Variants in COMMD1 observed in about 807,000 individuals in gnomAD.
COMMD1 encodes COMM domain-containing protein 1.
A neutral mutation model predicts 17.2 loss-of-function variants in COMMD1; 10 were observed. The observed-to-expected ratio is 0.58, with a 90% CI of 0.36 to 0.99. The LOEUF is 0.99. Among genes scored for constraint, COMMD1 ranks in the 50% least tolerant of loss-of-function variants. The pLI is 0.01. For missense variants in COMMD1, 270 were observed against 231.8 expected (o/e 1.17, Z -1.07); for synonymous variants, 97 against 91.6 (o/e 1.06, Z -0.34).
At chr2:62,067,865 T>G (rs577371606) in intron 2 of COMMD1, among the ~76,000 whole-genome samples, 55 of 152,328 alleles carry the variant, frequency 3.6e-4, no homozygotes, top group African/African-American at 1.2e-3. Flanking sequence ...CTTAAAATAC[T>G]CAGTATGCCA....
chr2:61,949,051 T>C (rs1357651407), intron 1 of COMMD1, among the ~76,000 whole-genome samples: 1 of 152,198 alleles, frequency 6.6e-6, no homozygotes, highest in Non-Finnish European at 1.5e-5. Context: ...GAGGATCACT[T>C]GAGTCCAAAC....
At chr2:62,062,795 C>T (rs1394183694) in intron 2 of COMMD1, among the ~76,000 whole-genome samples, 1 of 152,118 alleles carries the variant, frequency 6.6e-6, no homozygotes, top group Non-Finnish European at 1.5e-5. Context: ...TTAGGCCAGA[C>T]ACAGTGGCTC....
At position 62,065,324 on chromosome 2, in the gene COMMD1, T is replaced by C. The variant is rs1183866625; in HGVS notation, c.462+64342T>C. 6.7e-5 allele frequency among the ~76,000 whole-genome samples: 10 copies of C among 150,374 alleles called. No individual in the cohort carries two copies. In the East Asian group the frequency reaches 1.9e-3, roughly 29 times the overall value. On this transcript the variant is annotated intron_variant, in intron 2 of 2. Transcript: ENST00000311832. ...ACTCAGTAAAGTACAATAGTGACAT[T>C]TTATATGTACTTACTTTTTTTTTTT...
At chr2:62,007,330 A>G (rs1265741636) in intron 2 of COMMD1, among the ~76,000 whole-genome samples, 1 of 152,180 alleles carries the variant, frequency 6.6e-6, no homozygotes, top group Non-Finnish European at 1.5e-5. Context: ...TTCACTGACC[A>G]TACATTACAG....
chr2:62,020,805 G>A (rs1669591744), intron 2 of COMMD1, among the ~76,000 whole-genome samples: 1 of 152,088 alleles, frequency 6.6e-6, no homozygotes, highest in Non-Finnish European at 1.5e-5. Context: ...TTCGAGACCA[G>A]CCTGACCAAC....
At chr2:62,023,226 CAAA>C (rs531076642) in intron 2 of COMMD1, among the ~76,000 whole-genome samples, 4 of 91,648 alleles carry the variant, frequency 4.4e-5, no homozygotes, top group Admixed American at 1.2e-4. Context: ...AACTCTGTCT[CAAA>C]AAAAAAAAAA....
chr2:61,979,518 A>G (rs1306963516), intron 1 of COMMD1, among the ~76,000 whole-genome samples: 2 of 152,120 alleles, frequency 1.3e-5, no homozygotes, highest in African/African-American at 4.8e-5. Flanking sequence ...TAATTCAGCA[A>G]TCCCACTGCT....
chr2:61,985,325 C>G (rs1195560740), intron 1 of COMMD1, among the ~76,000 whole-genome samples: 1 of 152,204 alleles, frequency 6.6e-6, no homozygotes, highest in Non-Finnish European at 1.5e-5. Flanking sequence ...GCTGGGATTA[C>G]AGGCATGAGC....
intron 1 of COMMD1, among the ~76,000 whole-genome samples, chr2:61,960,135 A>G (rs78077996): frequency 4.9e-5 from 7 of 141,660 alleles, no homozygotes; most frequent in South Asian, 2.3e-4. Context: ...GTGTGTGTGT[A>G]CACACACACT....
At chr2:62,133,633 G>T (rs1039978048) in intron 2 of COMMD1, among the ~76,000 whole-genome samples, 5 of 152,080 alleles carry the variant, frequency 3.3e-5, no homozygotes, top group African/African-American at 1.2e-4. Context: ...AAATTGTGGA[G>T]AGAAGTGACT....
At chr2:61,940,647 T>C (rs183852774) in intron 1 of COMMD1, among the ~76,000 whole-genome samples, 2 of 152,284 alleles carry the variant, frequency 1.3e-5, no homozygotes, top group African/African-American at 2.4e-5. Context: ...GGGCAAATAG[T>C]GAATAACCAT....
chr2:61,970,557 A>AT (rs1264828113), intron 1 of COMMD1, among the ~76,000 whole-genome samples: 4 of 152,186 alleles, frequency 2.6e-5, no homozygotes, highest in Middle Eastern at 3.4e-3. Context: ...GGGAATAATG[A>AT]TAAAAAAAAG....
chr2:61,983,620 G>A (rs10182420), intron 1 of COMMD1, among the ~76,000 whole-genome samples: 43,132 of 151,984 alleles, frequency 0.28, 7,698 homozygotes, highest in African/African-American at 0.51. Flanking sequence ...AGATTGTCCA[G>A]TTTGTTGGCA....
chr2:62,075,086 G>GC (rs1018779775), intron 2 of COMMD1, among the ~76,000 whole-genome samples: 9 of 151,742 alleles, frequency 5.9e-5, no homozygotes, highest in African/African-American at 2.2e-4. Flanking sequence ...ACAGGGTTTC[G>GC]CCATGTAGAC....
chr2:62,008,689 A>G (rs899968649), intron 2 of COMMD1, among the ~76,000 whole-genome samples: 1 of 152,270 alleles, frequency 6.6e-6, no homozygotes, highest in Non-Finnish European at 1.5e-5. Context: ...GTTTTCTGAT[A>G]AGATATTCAA....
At chr2:62,051,061 C>T (rs886731566) in intron 2 of COMMD1, among the ~76,000 whole-genome samples, 7 of 152,112 alleles carry the variant, frequency 4.6e-5, no homozygotes, top group African/African-American at 1.7e-4. Flanking sequence ...GAAATGCCCT[C>T]TAATGAGAAG....
intron 1 of COMMD1, among the ~76,000 whole-genome samples, chr2:61,947,880 A>AATT (rs112746237): frequency 0.12 from 18,801 of 151,674 alleles, 2,805 homozygotes; most frequent in African/African-American, 0.36. Context: ...TATGAAACAC[A>AATT]ATTGTTGAAA....
intron 2 of COMMD1, among the ~76,000 whole-genome samples, chr2:62,040,796 T>C (rs1670169849): frequency 6.6e-6 from 1 of 151,930 alleles, no homozygotes; most frequent in Non-Finnish European, 1.5e-5. Context: ...CTGCAACTTC[T>C]GCCTCCTGGG....
At chr2:62,133,220 T>C (rs755436000) in intron 2 of COMMD1, among the ~76,000 whole-genome samples, 4 of 152,250 alleles carry the variant, frequency 2.6e-5, no homozygotes. Context: ...TTTGTACTTA[T>C]TTCTCCTTGG....
Sources: gnomAD v4.1 joint callset for allele counts (sites outside exome capture counted in the v4.1 genomes callset) on GRCh38, gnomAD v4.1.1 for gene constraint, MANE v1.5 for transcripts, NCBI Gene and HGNC (gene_info 2026-07-23, HGNC 2026-07-21) for gene names.